The following SVOP variants were observed in gnomAD, a reference collection of about 807,000 sequenced individuals.
SVOP encodes the protein synaptic vesicle 2-related protein.
In SVOP, 17 loss-of-function variants were observed where a neutral mutation model predicts 69.1. The observed-to-expected ratio is 0.25, with a 90% CI of 0.17 to 0.37. The LOEUF is 0.37. SVOP is among the 10% of genes least tolerant of loss of function. SVOP has a pLI of 1.00. For synonymous variants in SVOP, 238 were observed against 238.6 expected, an observed-to-expected ratio of 1.00 and a Z score of 0.02; for missense variants, 435 against 597.5, an observed-to-expected ratio of 0.73 and a Z score of 2.84.
chr12:108,973,495 G>A (rs1484778191), intron 4 of SVOP, among the ~76,000 whole-genome samples: 1 of 152,142 alleles, frequency 6.6e-6, no homozygotes, highest in Non-Finnish European at 1.5e-5. Flanking sequence ...GGGCTCAAGT[G>A]ATCCTCTCAC....
chr12:108,930,576 A>T (rs775318093), intron 11 of SVOP, among the ~76,000 whole-genome samples: 5 of 151,856 alleles, frequency 3.3e-5, no homozygotes, highest in African/African-American at 4.8e-5. Context: ...CTGGGATTAT[A>T]GGCATGTGCC....
At chr12:108,977,605 C>A (rs149284306) in intron 3 of SVOP, 109 bp from the exon 4 acceptor site, 464,754 of 667,528 alleles carry the variant, frequency 0.7, 163,612 homozygotes, top group East Asian at 0.79. Flanking sequence ...CCCTCTCTAC[C>A]CATTGCCAAG....
At chr12:108,932,871 A>C (rs781715194) in intron 11 of SVOP, among the ~76,000 whole-genome samples, 8 of 152,092 alleles carry the variant, frequency 5.3e-5, no homozygotes, top group Non-Finnish European at 1.2e-4. Flanking sequence ...TTTACTCCCA[A>C]ATATAATTCT....
At chr12:108,944,675 C>T (rs576418271) in intron 7 of SVOP, among the ~76,000 whole-genome samples, 5 of 151,860 alleles carry the variant, frequency 3.3e-5, no homozygotes, top group South Asian at 2.1e-4. Context: ...AGCTGGACCA[C>T]GAAAGTTTTA....
chr12:108,940,040 C>G (rs1035874517), intron 8 of SVOP, among the ~76,000 whole-genome samples: 2 of 152,180 alleles, frequency 1.3e-5, no homozygotes, highest in African/African-American at 4.8e-5. Context: ...CGTGCTGTTA[C>G]TGAACTTGTG....
intron 1 of SVOP, among the ~76,000 whole-genome samples, chr12:109,009,749 C>T (rs1458691696): frequency 6.6e-6 from 1 of 152,070 alleles, no homozygotes; most frequent in Non-Finnish European, 1.5e-5. Flanking sequence ...GCAATTTAGT[C>T]TCCTAGGGGC....
At chr12:108,925,715 T>C (rs944873772) in intron 11 of SVOP, among the ~76,000 whole-genome samples, 17 of 152,152 alleles carry the variant, frequency 1.1e-4, no homozygotes, top group African/African-American at 3.9e-4. Flanking sequence ...CTCCTTGCTG[T>C]TCCTTTGGCA....
intron 6 of SVOP, among the ~76,000 whole-genome samples, chr12:108,949,259 C>T (rs1249645091): frequency 7.2e-6 from 1 of 137,962 alleles, no homozygotes; most frequent in Non-Finnish European, 1.6e-5. Flanking sequence ...TCAGAGTTTG[C>T]TTTGCAATCT....
At chr12:108,975,857 T>C (rs1674339793) in intron 4 of SVOP, among the ~76,000 whole-genome samples, 1 of 151,978 alleles carries the variant, frequency 6.6e-6, no homozygotes, top group South Asian at 2.1e-4. Context: ...CGCGCCACCA[T>C]GCCCAGTCAA....
At chr12:108,968,838 G>A (rs1368504720) in intron 5 of SVOP, among the ~76,000 whole-genome samples, 2 of 151,986 alleles carry the variant, frequency 1.3e-5, no homozygotes, top group African/African-American at 4.8e-5. Flanking sequence ...CTGTTGCCCA[G>A]GCTGGAGTGT....
intron 1 of SVOP, among the ~76,000 whole-genome samples, chr12:108,996,155 G>A (rs558721394): frequency 6.6e-6 from 1 of 152,234 alleles, no homozygotes; most frequent in Non-Finnish European, 1.5e-5. Context: ...ATCACTTGAA[G>A]TCAGGAGTTT....
At chr12:108,955,282 A>C (rs1215695935) in intron 6 of SVOP, among the ~76,000 whole-genome samples, 1 of 152,202 alleles carries the variant, frequency 6.6e-6, no homozygotes, top group African/African-American at 2.4e-5. Flanking sequence ...CATTCCTTCC[A>C]GCCACGAGGG....
chr12:108,960,480 G>T (rs1312218106), intron 6 of SVOP, among the ~76,000 whole-genome samples: 2 of 152,186 alleles, frequency 1.3e-5, no homozygotes, highest in Non-Finnish European at 2.9e-5. Flanking sequence ...CGTTTAGGTA[G>T]GAAGAGCGTG....
intron 13 of SVOP, 130 bp from the exon 14 acceptor site, chr12:108,918,254 A>G: frequency 3.3e-6 from 2 of 597,248 alleles, no homozygotes; most frequent in Non-Finnish European, 5.7e-6. Context: ...GCTCATTGAT[A>G]CAGACATGCA....
intron 1 of SVOP, among the ~76,000 whole-genome samples, chr12:109,018,073 G>A (rs1485898077): frequency 1.3e-5 from 2 of 148,952 alleles, no homozygotes; most frequent in Admixed American, 6.7e-5. Context: ...TACCTAGGAT[G>A]GTATCTAAGT....
intron 10 of SVOP, among the ~76,000 whole-genome samples, chr12:108,934,973 G>C (rs2039847594): frequency 1.3e-5 from 2 of 152,142 alleles, no homozygotes; most frequent in South Asian, 4.1e-4. Flanking sequence ...TTACTCTATA[G>C]ACTGGTCTTG....
chr12:109,013,411 GAC>G (rs1388160439), intron 1 of SVOP, among the ~76,000 whole-genome samples: 1 of 145,338 alleles, frequency 6.9e-6, no homozygotes, highest in South Asian at 2.1e-4. Context: ...TTTTTTCTGA[GAC>G]AGAGTCTCAC....
At chr12:108,979,289 G>A (rs1380236008) in intron 2 of SVOP, among the ~76,000 whole-genome samples, 3 of 152,194 alleles carry the variant, frequency 2.0e-5, no homozygotes. Context: ...GCCCAGGCTG[G>A]AACTCGGTGG....
Position 108,915,861 on chromosome 12 carries a change from C to T in SVOP, c.1362G>A (p.Thr454=), listed in dbSNP as rs190754312. 20 of 1,605,582 alleles carry T rather than the reference C, an allele frequency of 1.2e-5. No homozygotes were observed. Among genetic ancestry groups the T allele is most frequent in the Admixed American group, 1.0e-4 (6 of 59,040 alleles). ...TGCCCAGGCCGAGGGCCCGCGTTGC[C>T]GTGGGGTAGACCTGAAACACAGCAG... ...AYVYTPEVYP[T]ATRALGLGTC... Residue 454 remains threonine, a synonymous_variant, in exon 15 of 16, where the codon ACG becomes ACA. Transcript: ENST00000610966.
Sources: gnomAD v4.1 joint callset for allele counts (sites outside exome capture counted in the v4.1 genomes callset) on GRCh38, gnomAD v4.1.1 for gene constraint, MANE v1.5 for transcripts, NCBI Gene and HGNC (gene_info 2026-07-23, HGNC 2026-07-21) for gene names.